SCN8A: variants seen among roughly 807,000 people sequenced by gnomAD.
SCN8A encodes the protein sodium voltage-gated channel alpha subunit 8, also known as sodium channel protein type 8 subunit alpha.
A neutral mutation model predicts 184.1 loss-of-function variants in SCN8A; 30 were observed. That is an observed-to-expected ratio of 0.16 (90% CI 0.12 to 0.22). The LOEUF is 0.22. Among genes scored for constraint, SCN8A ranks in the 10% least tolerant of loss-of-function variants. The pLI is 1.00. For synonymous variants in SCN8A, 852 were observed against 907.0 expected, an observed-to-expected ratio of 0.94 and a Z score of 1.09; for missense variants, 1,057 against 2,498.9, an observed-to-expected ratio of 0.42 and a Z score of 12.30.
At chr12:51,614,667 G>A (rs1413084170) in intron 1 of SCN8A, among the ~76,000 whole-genome samples, 1 of 151,884 alleles carries the variant, frequency 6.6e-6, no homozygotes, top group Non-Finnish European at 1.5e-5. Context: ...TTCTACTAAT[G>A]TCCTTTTTTC....
chr12:51,735,728 G>A (rs759479867), intron 12 of SCN8A, among the ~76,000 whole-genome samples: 1 of 152,098 alleles, frequency 6.6e-6, no homozygotes, highest in Non-Finnish European at 1.5e-5. Flanking sequence ...CATCGGTCTC[G>A]ACATGGCTGC....
intron 14 of SCN8A, among the ~76,000 whole-genome samples, chr12:51,752,012 A>G (rs951256076): frequency 1.3e-5 from 2 of 152,154 alleles, no homozygotes; most frequent in Non-Finnish European, 2.9e-5. Flanking sequence ...AGTACACTAC[A>G]TGTAACTATG....
Position 51,809,484 on chromosome 12 carries a change from A to T in SCN8A, c.*2055A>T, listed in dbSNP as rs181031835. The T allele has an allele frequency of 1.3e-5, 2 of 152,342 alleles. No individual in the cohort carries two copies. Among genetic ancestry groups the T allele is most frequent in the East Asian group, 3.9e-4 (2 of 5,190 alleles). 9.4% of individuals were successfully genotyped at this position (152,342 alleles called of 1,614,324 possible). A position where few individuals can be genotyped will look rare whatever the true frequency, so the allele number is the denominator to read the frequency against. The stretch of plus-strand genomic sequence containing the variant: ...CAAGCAGAGCTTTCTATCTTGTTGG[A>T]CCACTAGAAACTGTCCAGCTCTCTT... On this transcript the variant is annotated 3_prime_UTR_variant, in exon 27 of 27. Transcript: ENST00000627620.
intron 1 of SCN8A, among the ~76,000 whole-genome samples, chr12:51,613,213 T>C (rs913473340): frequency 1.3e-5 from 2 of 152,206 alleles, no homozygotes; most frequent in East Asian, 3.8e-4. Context: ...TTTTGTAGAA[T>C]TCTCCAGGGA....
At chr12:51,694,094 A>G (rs1941555753) in intron 6 of SCN8A, among the ~76,000 whole-genome samples, 1 of 152,124 alleles carries the variant, frequency 6.6e-6, no homozygotes. Flanking sequence ...CACAACGCCC[A>G]GCTAATTTTT....
chr12:51,793,144 T>G (rs303813), intron 25 of SCN8A, among the ~76,000 whole-genome samples: 130,758 of 152,184 alleles, frequency 0.86, 56,366 homozygotes, highest in East Asian at 0.98. Flanking sequence ...TAAGTGGCCA[T>G]ACAAGTCCAG....
rs1214827244 is a variant in SCN8A at position 51,770,695 on chromosome 12, G to A, written c.3645+12G>A. The stretch of plus-strand genomic sequence containing the variant: ...GCAGTGGCGCCCTGGTGAGGTCCAG[G>A]GGAGAGTGTGAGGAGGGATTGGCTG... On this transcript the variant is annotated intron_variant, in intron 19 of 26. Transcript: ENST00000627620. The A allele has an allele frequency of 4.3e-6, 7 of 1,613,196 alleles. No homozygotes were observed. The African/African-American group carries it at 8.0e-5, about 18-fold the overall frequency.
intron 11 of SCN8A, among the ~76,000 whole-genome samples, chr12:51,710,428 G>T (rs1415580967): frequency 6.6e-6 from 1 of 152,124 alleles, no homozygotes; most frequent in Non-Finnish European, 1.5e-5. Context: ...ACTTTGGGAG[G>T]CCAAGGTGAA....
intron 12 of SCN8A, among the ~76,000 whole-genome samples, chr12:51,724,622 CAA>C (rs962932673): frequency 3.3e-5 from 5 of 152,088 alleles, no homozygotes; most frequent in East Asian, 1.9e-4. Context: ...TCCGAAAAAA[CAA>C]GAGATAATAT....
intron 3 of SCN8A, among the ~76,000 whole-genome samples, chr12:51,686,142 AAAG>A (rs1004838393): frequency 1.3e-5 from 2 of 152,198 alleles, no homozygotes; most frequent in African/African-American, 2.4e-5. Context: ...GGCCCTTTTG[AAAG>A]AAGGAGAATA....
chr12:51,746,145 T>C, intron 13 of SCN8A, 110 bp downstream of exon 13: 1 of 1,013,344 alleles, frequency 9.9e-7, no homozygotes, highest in South Asian at 2.5e-5. Context: ...GTCTCTGAGC[T>C]TTAGGAATGG....
At chr12:51,786,857 G>C in intron 22 of SCN8A, 31 bp downstream of exon 22, 2 of 1,587,562 alleles carry the variant, frequency 1.3e-6, no homozygotes, top group South Asian at 2.3e-5. Flanking sequence ...TGTTTTTTCA[G>C]TTCTGTGAAA....
intron 18 of SCN8A, 128 bp downstream of exon 18, chr12:51,770,113 C>T: frequency 1.5e-6 from 1 of 670,132 alleles, no homozygotes; most frequent in Non-Finnish European, 2.6e-6. Context: ...CCCCACCCCA[C>T]CATTTTGAAG....
chr12:51,776,484 G>T (rs994575022), intron 20 of SCN8A, among the ~76,000 whole-genome samples: 1 of 152,196 alleles, frequency 6.6e-6, no homozygotes, highest in African/African-American at 2.4e-5. Context: ...TATCTGTGTA[G>T]AATTGCTCCA....
At chr12:51,701,412 G>A (rs913665549) in intron 8 of SCN8A, among the ~76,000 whole-genome samples, 5 of 152,174 alleles carry the variant, frequency 3.3e-5, no homozygotes, top group Non-Finnish European at 5.9e-5. Context: ...GCCTGTGCTT[G>A]TAGTCTCAAG....
chr12:51,659,461 C>T (rs1296895675), intron 1 of SCN8A, among the ~76,000 whole-genome samples: 6 of 152,058 alleles, frequency 3.9e-5, no homozygotes, highest in Admixed American at 3.9e-4. Flanking sequence ...TGTATTATAC[C>T]TTCAAAAAAT....
rs758200381 is a variant in SCN8A, at chr12:51,705,464, C to T, written c.1182C>T (p.Val394=). 1 of 1,613,972 alleles carries T rather than the reference C, an allele frequency of 6.2e-7. No homozygotes were observed. Among genetic ancestry groups the T allele is most frequent in the Non-Finnish European group, 8.5e-7 (1 of 1,179,890 alleles). The change falls in exon 10 of 27, where the codon GTC becomes GTT. Residue 394 remains valine (V), a synonymous_variant. Transcript: ENST00000627620. ...GKTYMIFFVL[V]IFVGSFYLVN... is the part of the protein sequence containing the mutation. Reference sequence around the variant, plus strand: ...CATACATGATCTTCTTCGTCTTGGTCATCTTTGTGGGTTCTTTCTATCTGG... The same window carrying T: ...CATACATGATCTTCTTCGTCTTGGTTATCTTTGTGGGTTCTTTCTATCTGG...
intron 26 of SCN8A, among the ~76,000 whole-genome samples, chr12:51,796,023 G>A (rs1273546472): frequency 6.6e-6 from 1 of 152,108 alleles, no homozygotes; most frequent in Non-Finnish European, 1.5e-5. Flanking sequence ...CTTCCTAGAT[G>A]ACAGAGAGAG....
intron 14 of SCN8A, among the ~76,000 whole-genome samples, chr12:51,757,851 A>C (rs1159574339): frequency 1.3e-5 from 2 of 152,240 alleles, no homozygotes; most frequent in Non-Finnish European, 2.9e-5. Context: ...AGAGTATTTT[A>C]TAGAGAATAG....
Sources: allele counts gnomAD v4.1 joint callset (sites outside exome capture counted in the v4.1 genomes callset), GRCh38; gene constraint gnomAD v4.1.1; transcripts MANE v1.5; gene names NCBI Gene and HGNC (gene_info 2026-07-23, HGNC 2026-07-21).